Variants in MIR2052HG observed in about 807,000 individuals in gnomAD.
MIR2052HG encodes MIR2052 host gene.
At chr8:74,638,599 A>T (rs998631967) in intron 2 of MIR2052HG, among the ~76,000 whole-genome samples, 4 of 152,176 alleles carry the variant, frequency 2.6e-5, no homozygotes, top group African/African-American at 9.7e-5. Flanking sequence ...AGTAGTGTGG[A>T]TACAGGAGAC....
chr8:74,726,251 G>A (rs1376018583), intron 4 of MIR2052HG, among the ~76,000 whole-genome samples: 1 of 152,130 alleles, frequency 6.6e-6, no homozygotes. Context: ...CATGACCACA[G>A]TTTGTTTTGA....
At chr8:74,678,563 CAAAAAA>C (rs763073114) in intron 2 of MIR2052HG, among the ~76,000 whole-genome samples, 1 of 53,522 alleles carries the variant, frequency 1.9e-5, no homozygotes, top group Non-Finnish European at 3.5e-5. Context: ...GAGTTTGTCT[CAAAAAA>C]AAAAAAAAAA....
intron 2 of MIR2052HG, among the ~76,000 whole-genome samples, chr8:74,634,211 C>G (rs1231960960): frequency 6.6e-6 from 1 of 152,114 alleles, no homozygotes; most frequent in Non-Finnish European, 1.5e-5. Context: ...AACAGGCATT[C>G]AGGAAAGAGA....
At chr8:74,674,136 TTGTGTG>T (rs60255659) in intron 2 of MIR2052HG, among the ~76,000 whole-genome samples, 54,956 of 145,138 alleles carry the variant, frequency 0.38, 12,807 homozygotes, top group African/African-American at 0.67. Flanking sequence ...CCAGAGGTTT[TTGTGTG>T]TGTGTGTGTG....
At chr8:74,673,397 C>T (rs574113279) in intron 2 of MIR2052HG, among the ~76,000 whole-genome samples, 87 of 152,148 alleles carry the variant, frequency 5.7e-4, no homozygotes, top group African/African-American at 2.0e-3. Context: ...TTCTGACACC[C>T]ATCAGATAGA....
intron 2 of MIR2052HG, among the ~76,000 whole-genome samples, chr8:74,666,123 T>C (rs988915681): frequency 1.5e-4 from 23 of 152,140 alleles, no homozygotes; most frequent in Non-Finnish European, 2.8e-4. Flanking sequence ...TGTCCCTGCC[T>C]CCTCCACCAT....
chr8:74,685,606 C>T (rs528415003), intron 2 of MIR2052HG, among the ~76,000 whole-genome samples: 2 of 151,966 alleles, frequency 1.3e-5, no homozygotes, highest in African/African-American at 4.8e-5. Flanking sequence ...GTATAATTTC[C>T]GTCCAGTGTG....
At chr8:74,652,987 A>G (rs543191880) in intron 2 of MIR2052HG, among the ~76,000 whole-genome samples, 25 of 152,358 alleles carry the variant, frequency 1.6e-4, no homozygotes, top group African/African-American at 5.8e-4. Flanking sequence ...CCACTTGATT[A>G]GTAGAATTCA....
At chr8:74,675,876 C>A (rs1011208113) in intron 2 of MIR2052HG, among the ~76,000 whole-genome samples, 1 of 151,818 alleles carries the variant, frequency 6.6e-6, no homozygotes, top group African/African-American at 2.4e-5. Flanking sequence ...TACATGCTTC[C>A]TAAATGTTAT....
At chr8:74,688,672 G>A (rs529630420) in intron 2 of MIR2052HG, among the ~76,000 whole-genome samples, 10 of 151,992 alleles carry the variant, frequency 6.6e-5, no homozygotes, top group African/African-American at 2.4e-4. Flanking sequence ...TTAATTTTTT[G>A]TTACCATAGG....
At chr8:74,706,516 T>C (rs550502426) in intron 4 of MIR2052HG, among the ~76,000 whole-genome samples, 1 of 152,196 alleles carries the variant, frequency 6.6e-6, no homozygotes, top group African/African-American at 2.4e-5. Flanking sequence ...GAGCTGCCAG[T>C]GTTAGTCCAA....
intron 2 of MIR2052HG, among the ~76,000 whole-genome samples, chr8:74,644,533 G>T (rs1037914617): frequency 2.0e-5 from 3 of 152,076 alleles, no homozygotes; most frequent in Non-Finnish European, 2.9e-5. Flanking sequence ...TATCCGTTTC[G>T]TTAAGTGGTG....
intron 2 of MIR2052HG, among the ~76,000 whole-genome samples, chr8:74,672,825 G>A (rs1809007549): frequency 6.6e-6 from 1 of 152,042 alleles, no homozygotes; most frequent in South Asian, 2.1e-4. Context: ...CTGCTGATAA[G>A]TATTTCTTCA....
chr8:74,659,098 C>T (rs1437497770), intron 2 of MIR2052HG, among the ~76,000 whole-genome samples: 2 of 152,192 alleles, frequency 1.3e-5, no homozygotes, highest in African/African-American at 2.4e-5. Context: ...AAGAAACTAA[C>T]CTGAACTTTT....
At chr8:74,638,390 A>G (rs1015570708) in intron 2 of MIR2052HG, among the ~76,000 whole-genome samples, 3 of 152,226 alleles carry the variant, frequency 2.0e-5, no homozygotes, top group African/African-American at 7.2e-5. Flanking sequence ...AAGGGTTTTA[A>G]GCAGGGAACT....
chr8:74,603,655 A>G, intron 1 of MIR2052HG: 1 of 1,178,364 alleles, frequency 8.5e-7, no homozygotes, highest in Non-Finnish European at 1.3e-6. Flanking sequence ...CTGTCCTTGA[A>G]GGGTATAGGC....
intron 2 of MIR2052HG, among the ~76,000 whole-genome samples, chr8:74,695,625 A>G (rs541497317): frequency 6.6e-6 from 1 of 152,264 alleles, no homozygotes; most frequent in East Asian, 1.9e-4. Flanking sequence ...ATGTTATTCC[A>G]TGCAAATGGA....
chr8:74,703,660 G>A (rs1809379468), exon 4 of MIR2052HG: 1 of 452,494 alleles, frequency 2.2e-6, no homozygotes, highest in Non-Finnish European at 4.4e-6. Context: ...ATGTTCTGGA[G>A]TGATTTATCT....
intron 2 of MIR2052HG, among the ~76,000 whole-genome samples, chr8:74,622,563 C>T (rs1808377282): frequency 6.6e-6 from 1 of 151,954 alleles, no homozygotes; most frequent in African/African-American, 2.4e-5. Context: ...AAGATCTCAT[C>T]ACTGCACTCC....
Sources: gnomAD v4.1 joint callset for allele counts (sites outside exome capture counted in the v4.1 genomes callset) on GRCh38, gnomAD v4.1.1 for gene constraint, MANE v1.5 for transcripts, NCBI Gene and HGNC (gene_info 2026-07-23, HGNC 2026-07-21) for gene names.